POLQ: variants seen among roughly 807,000 people sequenced by gnomAD.
POLQ encodes the protein DNA polymerase theta, also known as epididymis secretory sperm binding protein.
Under a neutral mutation model 259.2 loss-of-function variants are expected in POLQ, and 233 were observed. The observed-to-expected ratio is 0.90, with a 90% CI of 0.81 to 1.00. POLQ has a LOEUF of 1.00. Ranked by LOEUF, POLQ falls within the 50% of genes least tolerant of loss-of-function variation. POLQ has a pLI of 0.00. For synonymous variants in POLQ, 1,025 were observed against 1,048.8 expected (o/e 0.98, Z 0.44); for missense variants, 2,871 against 3,051.6 (o/e 0.94, Z 1.39).
At chr3:121,447,434 A>G (rs1368227208) in intron 26 of POLQ, among the ~76,000 whole-genome samples, 1 of 151,988 alleles carries the variant, frequency 6.6e-6, no homozygotes, top group African/African-American at 2.4e-5. Flanking sequence ...AATTGCTGGG[A>G]TTACAGGTGT....
At position 121,524,969 on chromosome 3, in the gene POLQ, C is replaced by G. The variant is rs117623501; in HGVS notation, c.1109-2820G>C. Among the ~76,000 whole-genome samples the G allele has an allele frequency of 1.1e-3, 162 of 141,080 alleles. 1 individual carries two copies. In the East Asian group the frequency reaches 0.028, roughly 25 times the overall value. The allele number at this position is 141,080 out of a possible 152,430, so 92.6% of individuals were successfully genotyped here. ...ACACACACACACACACACACACACACAGAGTTGACTGTCAAACAACACAGG... is the reference window on the plus strand; with the variant it reads ...ACACACACACACACACACACACACAGAGAGTTGACTGTCAAACAACACAGG... On this transcript the variant is annotated intron_variant, in intron 7 of 29. Coordinates refer to ENST00000264233, the MANE Select transcript of POLQ (RefSeq NM_199420.4).
chr3:121,474,090 T>C (rs1257880683), intron 20 of POLQ, among the ~76,000 whole-genome samples: 1 of 152,184 alleles, frequency 6.6e-6, no homozygotes, highest in East Asian at 1.9e-4. Flanking sequence ...GGCAAACAAG[T>C]TATTGACATT....
At chr3:121,485,356 A>G (rs2108796229) in intron 16 of POLQ, among the ~76,000 whole-genome samples, 172 bp from the exon 17 acceptor site, 1 of 152,318 alleles carries the variant, frequency 6.6e-6, no homozygotes, top group East Asian at 1.9e-4. Flanking sequence ...CAGGCTTCCC[A>G]TCAATTAAGA....
Position 121,440,009 on chromosome 3 carries a change from G to A in POLQ, c.7372C>T (p.Pro2458Ser), listed in dbSNP as rs372238843. ...CAACATACGTGAGCTTTACGATAAGGGTTGTTGTCTTTGATTCCTGGCAAA... is the reference window on the plus strand; with the variant it reads ...CAACATACGTGAGCTTTACGATAAGAGTTGTTGTCTTTGATTCCTGGCAAA... ...RYLPGIKDNN[P>S]YRKAHAERQA... Residue 2458 changes from proline (P) to serine (S), a missense_variant, in exon 27 of 30, where the codon CCT (proline) becomes TCT (serine). Coordinates refer to ENST00000264233, the MANE Select transcript of POLQ (RefSeq NM_199420.4). 6.2e-7 allele frequency: 1 copy of A among 1,613,450 alleles called. No homozygotes were observed. Among genetic ancestry groups the A allele is most frequent in the Non-Finnish European group, 8.5e-7 (1 of 1,179,600 alleles).
chr3:121,479,864 A>G (rs2047957328), intron 19 of POLQ, among the ~76,000 whole-genome samples: 1 of 152,218 alleles, frequency 6.6e-6, no homozygotes. Context: ...GGGGAACTAG[A>G]AGAAAACAGA....
chr3:121,510,979 G>A (rs1005341210), intron 10 of POLQ, among the ~76,000 whole-genome samples: 1 of 152,180 alleles, frequency 6.6e-6, no homozygotes, highest in Non-Finnish European at 1.5e-5. Context: ...CGTAATCCCA[G>A]CACTCTGGGA....
chr3:121,437,844 G>A lies in POLQ; in HGVS notation c.7390-1569C>T, dbSNP rs1325244377. Among the ~76,000 whole-genome samples the A allele has an allele frequency of 3.3e-5, 5 of 152,022 alleles. No homozygotes were observed. The South Asian group carries it at 1.0e-3, about 32-fold the overall frequency. On this transcript the variant is annotated intron_variant, in intron 27 of 29. Transcript: ENST00000264233. ...TAAGAGTATACAGCTATTCCTACAA[G>A]AAACAAGAATGACTTACCCATGTAA...
chr3:121,496,760 C>T, intron 14 of POLQ, 48 bp downstream of exon 14: 2 of 1,556,774 alleles, frequency 1.3e-6, no homozygotes, highest in Middle Eastern at 1.7e-4. Flanking sequence ...CTTAACTCGA[C>T]CTCAAATCAC....
rs769353243 is a variant in POLQ, at chr3:121,496,889, G to A, written c.2197C>T (p.Pro733Ser). 3 of 1,612,908 alleles carry A rather than the reference G, an allele frequency of 1.9e-6. No individual in the cohort carries two copies. The South Asian group carries it at 3.3e-5, about 18-fold the overall frequency. ...TATTTCTGATTTATTTCCCTTAAGGGAACTTCACTGATTAAATCTAATAGC... is the reference window on the plus strand; with the variant it reads ...TATTTCTGATTTATTTCCCTTAAGGAAACTTCACTGATTAAATCTAATAGC... ...LVLLDLISEVPLREINQKYGC... is the reference protein window; with the variant it reads ...LVLLDLISEVSLREINQKYGC... The change falls in exon 14 of 30, where the codon CCC (proline) becomes TCC (serine). Residue 733 changes from proline to serine, a missense_variant. Physicochemically the swap from Pro to Ser is moderately conservative, Grantham distance 74. Coordinates refer to ENST00000264233, the MANE Select transcript of POLQ (RefSeq NM_199420.4).
At chr3:121,486,950 AAAAAG>A (rs1351964815) in intron 16 of POLQ, among the ~76,000 whole-genome samples, 23 of 152,222 alleles carry the variant, frequency 1.5e-4, no homozygotes, top group East Asian at 3.9e-4. Flanking sequence ...GAGAAAAAGA[AAAAAG>A]AAAAGAATTC....
chr3:121,445,869 A>G (rs1397430480), intron 26 of POLQ, among the ~76,000 whole-genome samples: 1 of 152,006 alleles, frequency 6.6e-6, no homozygotes, highest in Non-Finnish European at 1.5e-5. Flanking sequence ...TCTCAAAAAA[A>G]AAAAAACAAC....
At chr3:121,468,524 C>A in intron 22 of POLQ, 93 bp from the exon 23 acceptor site, 2 of 829,332 alleles carry the variant, frequency 2.4e-6, no homozygotes, top group Non-Finnish European at 3.9e-6. Context: ...CTTAAAAATG[C>A]AGACTATCAA....
rs919968222 is a variant in POLQ, at chr3:121,431,802, C to T, written c.*502G>A. 1 of 152,890 alleles carries T rather than the reference C, an allele frequency of 6.5e-6. No individual in the cohort carries two copies. Among genetic ancestry groups the T allele is most frequent in the African/African-American group, 2.4e-5 (1 of 41,460 alleles). 9.5% of individuals were successfully genotyped at this position (152,890 alleles called of 1,614,324 possible). A position where few individuals can be genotyped will look rare whatever the true frequency, so the allele number is the denominator to read the frequency against. ...CTTTATAGAATTCATAATTTATTAG[C>T]CAATACTATTTTAAAATACTATTTC... On this transcript the variant is annotated 3_prime_UTR_variant, in exon 30 of 30. Coordinates refer to ENST00000264233, the MANE Select transcript of POLQ (RefSeq NM_199420.4).
Position 121,483,583 on chromosome 3 carries a change from CT to C in POLQ, c.5774-2del. On this transcript the variant is annotated splice_acceptor_variant, in intron 17 of 29. Coordinates refer to ENST00000264233, the MANE Select transcript of POLQ (RefSeq NM_199420.4). LOFTEE classifies it high-confidence loss of function. ...GGTGGAACCAAACTGGCACTAATTT[CT>C]TTAAAAAAAAAAAAAAAAAGGAAAA... The C allele has an allele frequency of 5.4e-5, 65 of 1,194,856 alleles. No homozygotes were observed. The highest frequency in any genetic ancestry group is 1.4e-4 in the South Asian group (7 of 51,344). The allele number at this position is 1,194,856 out of a possible 1,614,324, so 74.0% of individuals were successfully genotyped here.
Position 121,511,876 on chromosome 3 carries a change from TTC to T in POLQ, c.1611+9_1611+10del. 4 of 1,594,074 alleles carry T rather than the reference TTC, an allele frequency of 2.5e-6. No homozygotes were observed. The highest frequency in any genetic ancestry group is 3.4e-6 in the Non-Finnish European group (4 of 1,172,326). On this transcript the variant is annotated intron_variant, in intron 10 of 29. Coordinates refer to ENST00000264233, the MANE Select transcript of POLQ (RefSeq NM_199420.4). ...AAAGAGCAAATGGTAATTTAGTAAATTCTCTCTTACCTCCAGAATAGCTCGTA... is the reference window on the plus strand; with the variant it reads ...AAAGAGCAAATGGTAATTTAGTAAATTCTCTTACCTCCAGAATAGCTCGTA...
intron 4 of POLQ, among the ~76,000 whole-genome samples, chr3:121,538,385 T>C (rs1369122059): frequency 6.6e-6 from 1 of 152,016 alleles, no homozygotes; most frequent in African/African-American, 2.4e-5. Context: ...AACATTTTCA[T>C]AACAACATAG....
chr3:121,516,780 T>C (rs1211400747), intron 9 of POLQ, among the ~76,000 whole-genome samples: 1 of 152,202 alleles, frequency 6.6e-6, no homozygotes, highest in Non-Finnish European at 1.5e-5. Context: ...ACAAAAAGCA[T>C]GACCAAGTAT....
At chr3:121,447,633 T>C (rs2047642678) in intron 26 of POLQ, among the ~76,000 whole-genome samples, 2 of 152,346 alleles carry the variant, frequency 1.3e-5, no homozygotes, top group Admixed American at 1.3e-4. Flanking sequence ...GTACTTAATA[T>C]TACCAGTGAG....
Position 121,542,356 on chromosome 3 carries a change from C to G in POLQ, c.344-877G>C, listed in dbSNP as rs540034965. ...AGTGAGTTGCAGTCACGCCATTGCACTCTAGCATGGGTGATACAGTGAGAC... is the reference window on the plus strand; with the variant it reads ...AGTGAGTTGCAGTCACGCCATTGCAGTCTAGCATGGGTGATACAGTGAGAC... On this transcript the variant is annotated intron_variant, in intron 2 of 29. Transcript: ENST00000264233. Among the ~76,000 whole-genome samples, 6 of 151,888 alleles carry G rather than the reference C, an allele frequency of 4.0e-5. No homozygotes were observed. The South Asian group carries it at 1.3e-3, about 32-fold the overall frequency.
Sources: allele counts gnomAD v4.1 joint callset (sites outside exome capture counted in the v4.1 genomes callset), GRCh38; gene constraint gnomAD v4.1.1; transcripts MANE v1.5; gene names NCBI Gene and HGNC (gene_info 2026-07-23, HGNC 2026-07-21).